The following LRP1B variants were observed in gnomAD, a reference collection of about 807,000 sequenced individuals.
LRP1B encodes low-density lipoprotein receptor-related protein 1B.
Under a neutral mutation model 556.6 loss-of-function variants are expected in LRP1B, and 217 were observed. The observed-to-expected ratio is 0.39, with a 90% CI of 0.35 to 0.44. LRP1B has a LOEUF of 0.44. Among genes scored for constraint, LRP1B ranks in the 20% least tolerant of loss-of-function variants. The pLI, the probability that LRP1B is intolerant of heterozygous loss-of-function variation, is 1.00. For missense variants in LRP1B, 5,053 were observed against 5,620.8 expected (o/e 0.90, Z 3.23); for synonymous variants, 2,047 against 1,865.8 (o/e 1.10, Z -2.50).
chr2:140,510,065 C>G lies in LRP1B; in HGVS notation c.8270-9G>C. 6.2e-7 allele frequency: 1 copy of G among 1,611,906 alleles called. No individual in the cohort carries two copies. The highest frequency in any genetic ancestry group is 1.3e-5 in the African/African-American group (1 of 74,854). ...AGCACAGGTTATGGCACCTGAAACA[C>G]AAAAACATAATGCCATTAAGATTAC... On this transcript the variant is annotated splice_polypyrimidine_tract_variant and intron_variant, in intron 51 of 90. Transcript: ENST00000389484.
At chr2:141,878,358 GC>G (rs779957483) in intron 1 of LRP1B, among the ~76,000 whole-genome samples, 3 of 151,256 alleles carry the variant, frequency 2.0e-5, no homozygotes, top group Non-Finnish European at 4.4e-5. Context: ...TAAGGTACCG[GC>G]AAAAAATAAC....
intron 43 of LRP1B, among the ~76,000 whole-genome samples, chr2:140,596,995 A>G (rs924834060): frequency 6.6e-6 from 1 of 152,224 alleles, no homozygotes; most frequent in Non-Finnish European, 1.5e-5. Flanking sequence ...TCTTTAAAAC[A>G]GTCCATAAAT....
At chr2:141,049,501 T>C (rs2105446800) in intron 10 of LRP1B, among the ~76,000 whole-genome samples, 1 of 152,234 alleles carries the variant, frequency 6.6e-6, no homozygotes, top group Non-Finnish European at 1.5e-5. Flanking sequence ...ATTAGATAAC[T>C]TGTAACTTGT....
At chr2:140,270,853 T>C (rs972730021) in intron 85 of LRP1B, among the ~76,000 whole-genome samples, 2 of 151,970 alleles carry the variant, frequency 1.3e-5, no homozygotes, top group Non-Finnish European at 2.9e-5. Flanking sequence ...TGTAGCCACT[T>C]TTATCCCACT....
intron 2 of LRP1B, among the ~76,000 whole-genome samples, chr2:141,517,373 C>G (rs1409329925): frequency 6.6e-6 from 1 of 151,382 alleles, no homozygotes; most frequent in Non-Finnish European, 1.5e-5. Context: ...AAGGCAAACT[C>G]CTGGTTTAAC....
chr2:141,805,191 C>T (rs1363950783), intron 2 of LRP1B, among the ~76,000 whole-genome samples: 1 of 152,024 alleles, frequency 6.6e-6, no homozygotes, highest in Non-Finnish European at 1.5e-5. Flanking sequence ...TTGCCTTTTC[C>T]CTTTACTCTT....
chr2:140,704,800 G>A (rs1686770614), intron 37 of LRP1B, among the ~76,000 whole-genome samples: 1 of 152,034 alleles, frequency 6.6e-6, no homozygotes, highest in Non-Finnish European at 1.5e-5. Flanking sequence ...GTTCACATAA[G>A]AAAAGAAATG....
chr2:141,266,759 C>A (rs1343764219), intron 3 of LRP1B, among the ~76,000 whole-genome samples: 1 of 152,064 alleles, frequency 6.6e-6, no homozygotes, highest in Non-Finnish European at 1.5e-5. Flanking sequence ...GATTTTATTA[C>A]ACAGATAATT....
intron 87 of LRP1B, among the ~76,000 whole-genome samples, chr2:140,243,498 T>A (rs1298637707): frequency 6.6e-6 from 1 of 151,306 alleles, no homozygotes; most frequent in East Asian, 1.9e-4. Context: ...TGACTGCCTT[T>A]GACATGTTGC....
rs535457597 is a variant in LRP1B at position 140,609,776 on chromosome 2, CTT to C, written c.6800-8139_6800-8138del. On this transcript the variant is annotated intron_variant, in intron 41 of 90. Transcript: ENST00000389484. Reference sequence around the variant, plus strand: ...TCCACACTGATCACTGCCGTTACCTCTTGTCTAAGCTTCTGTCCCTAACTAGC... The same window carrying C: ...TCCACACTGATCACTGCCGTTACCTCGTCTAAGCTTCTGTCCCTAACTAGC... 7.0e-4 allele frequency among the ~76,000 whole-genome samples: 106 copies of C among 152,250 alleles called. 1 individual carries two copies. The highest frequency in any genetic ancestry group is 2.4e-3 in the African/African-American group (101 of 41,556).
At chr2:141,223,309 C>T (rs1333021129) in intron 6 of LRP1B, among the ~76,000 whole-genome samples, 2 of 152,032 alleles carry the variant, frequency 1.3e-5, no homozygotes, top group Admixed American at 6.6e-5. Flanking sequence ...GAATAAAACA[C>T]CTAGGAATAC....
intron 2 of LRP1B, among the ~76,000 whole-genome samples, chr2:141,726,328 A>C (rs1473932985): frequency 6.6e-6 from 1 of 151,672 alleles, no homozygotes; most frequent in Non-Finnish European, 1.5e-5. Context: ...TTAAAAAAAA[A>C]TTATTTTGAT....
chr2:140,389,716 T>C (rs1456037291), intron 66 of LRP1B, among the ~76,000 whole-genome samples: 3 of 147,866 alleles, frequency 2.0e-5, no homozygotes, highest in Non-Finnish European at 4.5e-5. Context: ...GTTTTATATA[T>C]ATATAGTTAT....
intron 32 of LRP1B, among the ~76,000 whole-genome samples, chr2:140,777,610 A>G (rs1482941711): frequency 6.6e-6 from 1 of 152,212 alleles, no homozygotes; most frequent in East Asian, 1.9e-4. Flanking sequence ...CTCCAGCTCA[A>G]TGGGAAATAG....
intron 2 of LRP1B, among the ~76,000 whole-genome samples, chr2:141,739,867 A>G (rs979983278): frequency 2.0e-5 from 3 of 152,092 alleles, no homozygotes; most frequent in Non-Finnish European, 4.4e-5. Flanking sequence ...TCCTCAAAGC[A>G]TAGTTCAAGA....
chr2:141,345,632 A>G (rs1302569865), intron 3 of LRP1B, among the ~76,000 whole-genome samples: 1 of 149,558 alleles, frequency 6.7e-6, no homozygotes, highest in Non-Finnish European at 1.5e-5. Flanking sequence ...TAGGACTACG[A>G]GTGTGTGCCA....
intron 2 of LRP1B, among the ~76,000 whole-genome samples, chr2:141,586,131 T>C (rs747426238): frequency 1.3e-5 from 2 of 152,204 alleles, no homozygotes; most frequent in African/African-American, 2.4e-5. Context: ...TCAATTCACG[T>C]CTCTTTTCTT....
At chr2:140,269,983 C>G (rs2104943067) in intron 86 of LRP1B, among the ~76,000 whole-genome samples, 1 of 152,020 alleles carries the variant, frequency 6.6e-6, no homozygotes, top group African/African-American at 2.4e-5. Context: ...TTTTCTCTGG[C>G]ATTTGCAAGT....
intron 77 of LRP1B, among the ~76,000 whole-genome samples, chr2:140,347,163 A>C (rs547977411): frequency 6.6e-6 from 1 of 152,002 alleles, no homozygotes; most frequent in African/African-American, 2.4e-5. Flanking sequence ...ATTGCCCAAG[A>C]GCATGTACAA....
Sources: gnomAD v4.1 joint callset for allele counts (sites outside exome capture counted in the v4.1 genomes callset) on GRCh38, gnomAD v4.1.1 for gene constraint, MANE v1.5 for transcripts, NCBI Gene and HGNC (gene_info 2026-07-23, HGNC 2026-07-21) for gene names.